Variants in SEMA6D observed in about 807,000 individuals in gnomAD.
The protein encoded by SEMA6D is semaphorin 6D.
In SEMA6D, 35 loss-of-function variants were observed where a neutral mutation model predicts 106.6. That is an observed-to-expected ratio of 0.33 (90% CI 0.25 to 0.44). SEMA6D has a LOEUF of 0.44. Among genes scored for constraint, SEMA6D ranks in the 20% least tolerant of loss-of-function variants. SEMA6D has a pLI of 1.00. For synonymous variants in SEMA6D, 499 were observed against 487.7 expected (o/e 1.02, Z -0.31); for missense variants, 1,185 against 1,345.9 (o/e 0.88, Z 1.87).
intron 1 of SEMA6D, among the ~76,000 whole-genome samples, chr15:47,300,068 GGA>G (rs767505419): frequency 5.3e-5 from 8 of 152,174 alleles, no homozygotes; most frequent in Non-Finnish European, 1.2e-4. Context: ...CAGAATATTT[GGA>G]GAGTCTGATT....
At chr15:47,221,568 G>A (rs2141373474) in intron 1 of SEMA6D, among the ~76,000 whole-genome samples, 1 of 152,272 alleles carries the variant, frequency 6.6e-6, no homozygotes, top group East Asian at 1.9e-4. Context: ...TTGTGAACTT[G>A]TGTAGTTAAA....
chr15:47,303,167 C>T (rs1244593274), intron 1 of SEMA6D, among the ~76,000 whole-genome samples: 4 of 152,136 alleles, frequency 2.6e-5, no homozygotes, highest in Admixed American at 6.5e-5. Context: ...TCTAAAGATA[C>T]GTAGAAACAG....
At chr15:47,401,347 C>T (rs2040392784) in intron 1 of SEMA6D, among the ~76,000 whole-genome samples, 1 of 152,104 alleles carries the variant, frequency 6.6e-6, no homozygotes. Flanking sequence ...ACGTTGTCTC[C>T]TTTAATCCCA....
chr15:47,340,778 AATAG>A (rs901194069), intron 1 of SEMA6D, among the ~76,000 whole-genome samples: 10 of 152,272 alleles, frequency 6.6e-5, no homozygotes, highest in African/African-American at 2.2e-4. Flanking sequence ...TACTGATTCG[AATAG>A]ATAGAGAAAT....
chr15:47,587,325 G>C (rs1175190869), intron 3 of SEMA6D, among the ~76,000 whole-genome samples: 1 of 152,132 alleles, frequency 6.6e-6, no homozygotes. Context: ...TGTGTGCCCT[G>C]GCTCCATCTT....
intron 15 of SEMA6D, among the ~76,000 whole-genome samples, 196 bp downstream of exon 15, chr15:47,766,378 C>G (rs1379743484): frequency 1.3e-5 from 2 of 151,794 alleles, no homozygotes; most frequent in African/African-American, 4.8e-5. Flanking sequence ...CCTAATAATA[C>G]TTAAGGGAAA....
chr15:47,321,674 A>C (rs1471797558), intron 1 of SEMA6D, among the ~76,000 whole-genome samples: 1 of 152,166 alleles, frequency 6.6e-6, no homozygotes, highest in African/African-American at 2.4e-5. Flanking sequence ...GTATAAGGAG[A>C]TATAAGCATG....
At chr15:47,567,889 C>A (rs2046273571) in intron 3 of SEMA6D, among the ~76,000 whole-genome samples, 1 of 152,090 alleles carries the variant, frequency 6.6e-6, no homozygotes, top group Admixed American at 6.6e-5. Context: ...AGACAACCAA[C>A]TGAGAAATCT....
chr15:47,733,769 T>C (rs916817772), intron 1 of SEMA6D, among the ~76,000 whole-genome samples: 13 of 152,214 alleles, frequency 8.5e-5, no homozygotes, highest in Admixed American at 2.0e-4. Flanking sequence ...TGACATAAAC[T>C]CACTAAGTTA....
chr15:47,415,199 T>A (rs1036962926), intron 2 of SEMA6D, among the ~76,000 whole-genome samples: 1 of 152,200 alleles, frequency 6.6e-6, no homozygotes, highest in African/African-American at 2.4e-5. Context: ...TTGACTGCTC[T>A]TATTAAATTA....
chr15:47,646,194 C>A (rs988956783), intron 4 of SEMA6D, among the ~76,000 whole-genome samples: 1 of 152,148 alleles, frequency 6.6e-6, no homozygotes, highest in African/African-American at 2.4e-5. Context: ...GACCAGCCCC[C>A]ATCCTGAAGC....
chr15:47,434,442 AT>A (rs373461724), intron 2 of SEMA6D, among the ~76,000 whole-genome samples: 3 of 151,814 alleles, frequency 2.0e-5, no homozygotes, highest in African/African-American at 7.3e-5. Flanking sequence ...CAAAGCAGAT[AT>A]TTTTTTTCTT....
chr15:47,325,400 T>G (rs1234962208), intron 1 of SEMA6D, among the ~76,000 whole-genome samples: 1 of 152,142 alleles, frequency 6.6e-6, no homozygotes, highest in African/African-American at 2.4e-5. Flanking sequence ...CTCAAACTCC[T>G]GACCTCAGGT....
At chr15:47,550,994 A>G (rs1301010325) in intron 3 of SEMA6D, among the ~76,000 whole-genome samples, 2 of 152,228 alleles carry the variant, frequency 1.3e-5, no homozygotes, top group African/African-American at 4.8e-5. Context: ...TAAAAATTAG[A>G]CTAGAACTAT....
At chr15:47,761,108 C>A (rs1415798948) in intron 4 of SEMA6D, 50 bp from the exon 5 acceptor site, 1 of 1,611,536 alleles carries the variant, frequency 6.2e-7, no homozygotes, top group Non-Finnish European at 8.5e-7. Flanking sequence ...ACTGCCTCCC[C>A]AAAAATGTTC....
At chr15:47,630,474 T>C (rs914678509) in intron 4 of SEMA6D, among the ~76,000 whole-genome samples, 2 of 151,984 alleles carry the variant, frequency 1.3e-5, no homozygotes, top group African/African-American at 4.8e-5. Flanking sequence ...AACACACTTA[T>C]TAGTTCTAGG....
intron 1 of SEMA6D, among the ~76,000 whole-genome samples, chr15:47,402,771 AT>A (rs1489091532): frequency 2.7e-5 from 2 of 74,650 alleles, no homozygotes; most frequent in African/African-American, 1.1e-4. Context: ...TTTTTTGGTT[AT>A]GCATCTTTAT....
At chr15:47,604,866 A>ATTT (rs56218960) in intron 4 of SEMA6D, among the ~76,000 whole-genome samples, 5,176 of 144,118 alleles carry the variant, frequency 0.036, 304 homozygotes, top group African/African-American at 0.12. Context: ...TGCCTGGCTA[A>ATTT]TTTTTTTTTT....
chr15:47,720,491 T>C (rs1191237440), intron 1 of SEMA6D, among the ~76,000 whole-genome samples: 1 of 152,158 alleles, frequency 6.6e-6, no homozygotes, highest in African/African-American at 2.4e-5. Flanking sequence ...GAAAGATGGC[T>C]GTGATGTAAA....
Sources: allele counts gnomAD v4.1 joint callset (sites outside exome capture counted in the v4.1 genomes callset), GRCh38; gene constraint gnomAD v4.1.1; transcripts MANE v1.5; gene names NCBI Gene and HGNC (gene_info 2026-07-23, HGNC 2026-07-21).